The following CDYL variants were observed in gnomAD, a reference collection of about 807,000 sequenced individuals.
CDYL encodes chromodomain Y-like protein.
Under a neutral mutation model 47.3 loss-of-function variants are expected in CDYL, and 8 were observed. The ratio of observed to expected loss-of-function variants is 0.17; its 90% confidence interval spans 0.10 to 0.31. CDYL has a LOEUF of 0.31. Among genes scored for constraint, CDYL ranks in the 10% least tolerant of loss-of-function variants. The pLI is 1.00. For synonymous variants in CDYL, 266 were observed against 265.0 expected, an observed-to-expected ratio of 1.00 and a Z score of -0.04; for missense variants, 471 against 701.4, an observed-to-expected ratio of 0.67 and a Z score of 3.71.
chr6:4,892,764 A>T (rs1329050130), intron 2 of CDYL, among the ~76,000 whole-genome samples: 2 of 152,196 alleles, frequency 1.3e-5, no homozygotes, highest in African/African-American at 4.8e-5. Flanking sequence ...GCATTGATAC[A>T]GAAGTGCAGG....
At chr6:4,851,445 TA>T (rs1202444272) in intron 1 of CDYL, among the ~76,000 whole-genome samples, 2 of 152,166 alleles carry the variant, frequency 1.3e-5, no homozygotes, top group African/African-American at 4.8e-5. Flanking sequence ...TATAGGTGGT[TA>T]GGGGTGAGCT....
intron 3 of CDYL, among the ~76,000 whole-genome samples, chr6:4,736,797 C>T (rs188897600): frequency 3.8e-4 from 58 of 152,138 alleles, no homozygotes; most frequent in Admixed American, 1.6e-3. Flanking sequence ...CATGAATCCT[C>T]TCTTTGCAAA....
intron 1 of CDYL, among the ~76,000 whole-genome samples, chr6:4,872,265 A>G (rs992331210): frequency 1.4e-5 from 2 of 147,726 alleles, no homozygotes; most frequent in Non-Finnish European, 3.0e-5. Flanking sequence ...AGAGCTTACT[A>G]TGTGCCTGGT....
chr6:4,736,353 T>C (rs1757704216), intron 3 of CDYL, among the ~76,000 whole-genome samples: 1 of 152,262 alleles, frequency 6.6e-6, no homozygotes, highest in African/African-American at 2.4e-5. Context: ...TACTATAGTT[T>C]GTTGCGTACA....
intron 3 of CDYL, among the ~76,000 whole-genome samples, chr6:4,751,070 T>G (rs1193661531): frequency 6.6e-6 from 1 of 151,984 alleles, no homozygotes; most frequent in Non-Finnish European, 1.5e-5. Context: ...TTAGCCAGGA[T>G]GGTCTCGATC....
At chr6:4,790,958 C>CA (rs1399098413) in intron 1 of CDYL, among the ~76,000 whole-genome samples, 2 of 152,186 alleles carry the variant, frequency 1.3e-5, no homozygotes, top group Non-Finnish European at 1.5e-5. Flanking sequence ...CAAACATCAG[C>CA]AAGTGCTCAC....
chr6:4,841,610 C>T (rs1256040091), intron 1 of CDYL, among the ~76,000 whole-genome samples: 1 of 152,044 alleles, frequency 6.6e-6, no homozygotes, highest in Non-Finnish European at 1.5e-5. Flanking sequence ...TCGTTCAGTT[C>T]AAAGAATTTT....
intron 4 of CDYL, among the ~76,000 whole-genome samples, chr6:4,938,933 T>G (rs1758283649): frequency 6.6e-6 from 1 of 152,202 alleles, no homozygotes; most frequent in South Asian, 2.1e-4. Flanking sequence ...AGTGTCTGAT[T>G]TTTCGGAGAT....
intron 2 of CDYL, among the ~76,000 whole-genome samples, chr6:4,718,138 C>A (rs1476408387): frequency 6.6e-6 from 1 of 152,042 alleles, no homozygotes; most frequent in Non-Finnish European, 1.5e-5. Context: ...GACCAGGTCC[C>A]AGACATTCTT....
At position 4,866,081 on chromosome 6, in the gene CDYL, G is replaced by A. The variant is rs185989934; in HGVS notation, c.25-25632G>A. Among the ~76,000 whole-genome samples, 21 of 152,262 alleles carry A rather than the reference G, an allele frequency of 1.4e-4. No homozygotes were observed. The East Asian group carries it at 2.9e-3, about 21-fold the overall frequency. ...TTATCTGATCACAATTATTAGATTA[G>A]AAACTGAATTTCTAATCTTACGCAT... On this transcript the variant is annotated intron_variant, in intron 1 of 6. Transcript: ENST00000397588.
chr6:4,924,126 A>G (rs1249807830), intron 2 of CDYL, among the ~76,000 whole-genome samples: 2 of 152,122 alleles, frequency 1.3e-5, no homozygotes, highest in Non-Finnish European at 2.9e-5. Flanking sequence ...AATATAATTA[A>G]TTATCTAGAG....
intron 3 of CDYL, among the ~76,000 whole-genome samples, chr6:4,740,506 T>C (rs977377808): frequency 9.9e-5 from 15 of 152,164 alleles, no homozygotes; most frequent in Non-Finnish European, 4.4e-5. Context: ...AGTGCCGAGG[T>C]TGAGAAACCC....
At chr6:4,903,315 T>A (rs2127495462) in intron 2 of CDYL, among the ~76,000 whole-genome samples, 1 of 152,294 alleles carries the variant, frequency 6.6e-6, no homozygotes, top group Admixed American at 6.5e-5. Context: ...TGCATCCCAG[T>A]GCTCAAGGGA....
At chr6:4,730,535 G>A (rs976453509) in intron 2 of CDYL, among the ~76,000 whole-genome samples, 40 of 152,006 alleles carry the variant, frequency 2.6e-4, no homozygotes, top group African/African-American at 8.2e-4. Flanking sequence ...TTAGCCTGGC[G>A]TGCTGGTGCA....
chr6:4,745,511 C>T (rs941695647), intron 3 of CDYL, among the ~76,000 whole-genome samples: 6 of 151,596 alleles, frequency 4.0e-5, no homozygotes, highest in Middle Eastern at 3.4e-3. Flanking sequence ...CTGAGGTGGG[C>T]AGAAAAGATC....
chr6:4,839,959 A>G (rs1561663516), intron 1 of CDYL, among the ~76,000 whole-genome samples: 1 of 151,942 alleles, frequency 6.6e-6, no homozygotes, highest in Non-Finnish European at 1.5e-5. Flanking sequence ...GTGAAGAATG[A>G]TGGTGGTGTT....
intron 1 of CDYL, among the ~76,000 whole-genome samples, chr6:4,852,833 C>G (rs994432197): frequency 6.7e-6 from 1 of 148,650 alleles, no homozygotes; most frequent in Non-Finnish European, 1.5e-5. Context: ...AGGTCTGTCT[C>G]TGTCACCCAG....
intron 5 of CDYL, among the ~76,000 whole-genome samples, chr6:4,946,021 C>T (rs913908210): frequency 1.3e-5 from 2 of 152,218 alleles, no homozygotes; most frequent in African/African-American, 4.8e-5. Context: ...CGCCCACAGG[C>T]GGGCCTCCCT....
intron 1 of CDYL, among the ~76,000 whole-genome samples, chr6:4,882,692 G>A (rs899497229): frequency 3.3e-5 from 5 of 152,194 alleles, no homozygotes; most frequent in Non-Finnish European, 7.3e-5. Context: ...GTAGATGACA[G>A]TAAAAGGCTT....
Sources: gnomAD v4.1 joint callset for allele counts (sites outside exome capture counted in the v4.1 genomes callset) on GRCh38, gnomAD v4.1.1 for gene constraint, MANE v1.5 for transcripts, NCBI Gene and HGNC (gene_info 2026-07-23, HGNC 2026-07-21) for gene names.